The following RHOBTB1 variants were observed in gnomAD, a reference collection of about 807,000 sequenced individuals.
RHOBTB1 encodes Rho related BTB domain containing 1.
RHOBTB1 carries 40 observed loss-of-function variants against 71.6 expected under a neutral mutation model. The observed-to-expected ratio is 0.56, with a 90% CI of 0.43 to 0.73. The LOEUF (loss-of-function observed/expected upper bound fraction) is 0.73, where lower values mean the gene tolerates loss of function less well. Among genes scored for constraint, RHOBTB1 ranks in the 30% least tolerant of loss-of-function variants. The pLI, the probability that RHOBTB1 is intolerant of heterozygous loss-of-function variation, is 0.00. For missense variants in RHOBTB1, 797 were observed against 894.0 expected (o/e 0.89, Z 1.38); for synonymous variants, 319 against 334.9 (o/e 0.95, Z 0.52).
At chr10:60,987,843 C>G (rs972871583) in intron 1 of RHOBTB1, among the ~76,000 whole-genome samples, 1 of 151,866 alleles carries the variant, frequency 6.6e-6, no homozygotes, top group African/African-American at 2.4e-5. Context: ...TGCTCTCCAC[C>G]CCCTAACCCC....
intron 2 of RHOBTB1, among the ~76,000 whole-genome samples, chr10:60,940,332 C>G (rs1483356838): frequency 6.6e-6 from 1 of 152,020 alleles, no homozygotes; most frequent in Non-Finnish European, 1.5e-5. Flanking sequence ...ACAACTGTTA[C>G]AAATTACTCT....
intron 2 of RHOBTB1, among the ~76,000 whole-genome samples, chr10:60,911,948 T>C (rs1047639919): frequency 5.3e-5 from 8 of 152,092 alleles, no homozygotes; most frequent in African/African-American, 1.7e-4. Flanking sequence ...AACTTCAACA[T>C]TGGGCAATAG....
At chr10:60,919,502 G>A (rs1394725075) in intron 2 of RHOBTB1, among the ~76,000 whole-genome samples, 1 of 152,152 alleles carries the variant, frequency 6.6e-6, no homozygotes, top group Non-Finnish European at 1.5e-5. Flanking sequence ...CCAGAGCCGG[G>A]AAAGAGATGC....
intron 4 of RHOBTB1, among the ~76,000 whole-genome samples, chr10:60,900,595 G>A (rs780449600): frequency 1.6e-4 from 24 of 152,074 alleles, no homozygotes; most frequent in East Asian, 1.9e-4. Context: ...CTCATTGTGC[G>A]CACACAGTGT....
At chr10:60,968,486 G>A (rs1463176244) in intron 2 of RHOBTB1, among the ~76,000 whole-genome samples, 1 of 152,084 alleles carries the variant, frequency 6.6e-6, no homozygotes, top group Non-Finnish European at 1.5e-5. Context: ...ACAGAGCTGG[G>A]TGCTAGGGAC....
At chr10:60,911,129 A>T in intron 3 of RHOBTB1, 139 bp from the exon 4 acceptor site, 1 of 766,448 alleles carries the variant, frequency 1.3e-6, no homozygotes, top group East Asian at 2.7e-5. Flanking sequence ...ATTTAAGCTA[A>T]GTCTTAATTC....
intron 2 of RHOBTB1, among the ~76,000 whole-genome samples, chr10:60,961,392 G>C (rs936064330): frequency 1.3e-5 from 2 of 152,084 alleles, no homozygotes; most frequent in African/African-American, 2.4e-5. Context: ...TCTCCAAAAG[G>C]GGGGCAAATA....
intron 2 of RHOBTB1, among the ~76,000 whole-genome samples, chr10:60,968,296 C>A (rs1211189508): frequency 6.6e-6 from 1 of 152,132 alleles, no homozygotes; most frequent in Non-Finnish European, 1.5e-5. Context: ...GGCATGTGGT[C>A]AGGTGTAGGA....
intron 7 of RHOBTB1, among the ~76,000 whole-genome samples, chr10:60,881,654 A>G (rs2081334073): frequency 6.6e-6 from 1 of 152,236 alleles, no homozygotes. Context: ...GATGCTATTA[A>G]AAGCTTTTTC....
chr10:60,907,990 T>C (rs1589261548), intron 4 of RHOBTB1, among the ~76,000 whole-genome samples: 1 of 152,348 alleles, frequency 6.6e-6, no homozygotes, highest in Admixed American at 6.5e-5. Context: ...GCAAAGCACC[T>C]AATGTGTTGA....
At chr10:60,980,374 T>TA (rs1256870423) in intron 2 of RHOBTB1, among the ~76,000 whole-genome samples, 1 of 152,078 alleles carries the variant, frequency 6.6e-6, no homozygotes, top group African/African-American at 2.4e-5. Flanking sequence ...GAATATACGA[T>TA]AAAAAAATGA....
At chr10:60,862,739 C>T in the RHOBTB1 span, among the ~76,000 whole-genome samples, 1 of 145,204 alleles carries the variant, frequency 6.9e-6, no homozygotes, top group Non-Finnish European at 1.5e-5. Flanking sequence ...ATTTCTCTCT[C>T]TCCTTCCCTT....
chr10:60,914,199 G>C (rs1298652191), intron 2 of RHOBTB1, among the ~76,000 whole-genome samples: 3 of 152,208 alleles, frequency 2.0e-5, no homozygotes, highest in South Asian at 4.1e-4. Context: ...TTTGGGTGTG[G>C]AGGGGGCAGG....
chr10:60,873,962 G>C (rs2080923494), intron 9 of RHOBTB1, among the ~76,000 whole-genome samples: 1 of 152,250 alleles, frequency 6.6e-6, no homozygotes, highest in Admixed American at 6.5e-5. Context: ...TCGCTGTAAA[G>C]TTCAATTCCG....
chr10:60,972,882 C>T (rs1450764401), intron 2 of RHOBTB1, among the ~76,000 whole-genome samples: 1 of 151,956 alleles, frequency 6.6e-6, no homozygotes, highest in Non-Finnish European at 1.5e-5. Flanking sequence ...GGTAGCCTCA[C>T]TTGGAGGCAA....
At chr10:60,942,869 T>TC (rs2134234068) in intron 1 of RHOBTB1, among the ~76,000 whole-genome samples, 1 of 151,894 alleles carries the variant, frequency 6.6e-6, no homozygotes, top group Admixed American at 6.6e-5. Context: ...ATTTTTTTTT[T>TC]TTTCTGTTTA....
chr10:60,944,251 C>T (rs1200839800), upstream of RHOBTB1: 1 of 152,212 alleles, frequency 6.6e-6, no homozygotes, highest in Non-Finnish European at 1.5e-5. Context: ...CCACCCCGCT[C>T]CCAGGCGGGG....
At chr10:60,948,000 A>T (rs1308585384), upstream of RHOBTB1, among the ~76,000 whole-genome samples, 4 of 152,156 alleles carry the variant, frequency 2.6e-5, no homozygotes, top group African/African-American at 9.7e-5. Flanking sequence ...ACAAAGTTTC[A>T]CTTGTTATAA....
chr10:60,966,215 G>A (rs541771389), intron 2 of RHOBTB1, among the ~76,000 whole-genome samples: 2 of 151,782 alleles, frequency 1.3e-5, no homozygotes, highest in Non-Finnish European at 1.5e-5. Flanking sequence ...TTAGGATTAT[G>A]AGTAATTTCT....
Sources: gnomAD v4.1 joint callset for allele counts (sites outside exome capture counted in the v4.1 genomes callset) on GRCh38, gnomAD v4.1.1 for gene constraint, MANE v1.5 for transcripts, NCBI Gene and HGNC (gene_info 2026-07-23, HGNC 2026-07-21) for gene names.